Variants in ATP23 observed in about 807,000 individuals in gnomAD.
ATP23 encodes the protein mitochondrial inner membrane protease ATP23 homolog.
ATP23 carries 24 observed loss-of-function variants against 28.5 expected under a neutral mutation model. That is an observed-to-expected ratio of 0.84 (90% confidence interval 0.61 to 1.18). The LOEUF (loss-of-function observed/expected upper bound fraction) is 1.18. Among genes scored for constraint, ATP23 ranks in the 50% most tolerant of loss-of-function variants. ATP23 has a pLI of 0.00. For synonymous variants in ATP23, 99 were observed against 108.6 expected (o/e 0.91, Z 0.55); for missense variants, 274 against 306.4 (o/e 0.89, Z 0.79).
chr12:57,955,278 A>ATTT (rs1442929120), intron 5 of ATP23, among the ~76,000 whole-genome samples: 179 of 114,402 alleles, frequency 1.6e-3, no homozygotes, highest in African/African-American at 7.0e-3. Flanking sequence ...GAAATAGAGC[A>ATTT]TGTTTTTTTT....
At position 57,956,997 on chromosome 12, in the gene ATP23, A is replaced by T. The variant is rs1956875449; in HGVS notation, c.*107A>T. 1.1e-6 allele frequency: 1 copy of T among 903,570 alleles called. No homozygotes were observed. The highest frequency in any genetic ancestry group is 1.7e-5 in the African/African-American group (1 of 57,668). 56.0% of individuals were successfully genotyped at this position (903,570 alleles called of 1,614,324 possible). A position where few individuals can be genotyped will look rare whatever the true frequency, so the allele number is the denominator to read the frequency against. On this transcript the variant is annotated 3_prime_UTR_variant, in exon 6 of 6. Transcript: ENST00000300145. ...AATGTAAACAATCCCTACAATCCAG[A>T]TAAAACAGAGAAGACTGTGATTCTA...
At chr12:57,950,845 T>C (rs1328893689) in intron 3 of ATP23, among the ~76,000 whole-genome samples, 1 of 152,230 alleles carries the variant, frequency 6.6e-6, no homozygotes, top group East Asian at 1.9e-4. Flanking sequence ...TATATGCTCA[T>C]GACAACCTGG....
rs71087605 is a variant in ATP23 at position 57,955,280 on chromosome 12, G to GTTTTTT, written c.538-1398_538-1393dup. ...TTGATATACTAAAGAAATAGAGCAT[G>GTTTTTT]TTTTTTTTTTTTTTAATTCACCTTC... On this transcript the variant is annotated intron_variant, in intron 5 of 5. Coordinates refer to ENST00000300145, the MANE Select transcript of ATP23 (RefSeq NM_033276.4). 3.5e-3 allele frequency among the ~76,000 whole-genome samples: 501 copies of GTTTTTT among 142,140 alleles called. 2 individuals carry two copies. Among genetic ancestry groups the GTTTTTT allele is most frequent in the African/African-American group, 7.4e-3 (281 of 38,040 alleles). The allele number at this position is 142,140 out of a possible 152,430, so 93.2% of individuals were successfully genotyped here.
chr12:57,942,024 C>T, intron 1 of ATP23, 136 bp downstream of exon 1: 1 of 1,097,120 alleles, frequency 9.1e-7, no homozygotes, highest in Non-Finnish European at 1.2e-6. Flanking sequence ...ATCATGGGGG[C>T]TGGGTTGGGA....
In ATP23 at chr12:57,941,878, G is replaced by T; in HGVS notation, c.177G>T (p.Thr59=). 6.2e-7 allele frequency: 1 copy of T among 1,613,266 alleles called. No individual in the cohort carries two copies. Among genetic ancestry groups the T allele is most frequent in the Non-Finnish European group, 8.5e-7 (1 of 1,179,690 alleles). ...AGTGCCAGCTTAGGCTCCTGAAGAC[G>T]CTGGAGACAAGTAGGAGCCATGACC... ...NQKCQLRLLK[T]LETNPYVKLL... Residue 59 remains threonine, a synonymous_variant, in exon 1 of 6, where the codon ACG becomes ACT. Transcript: ENST00000300145.
intron 5 of ATP23, among the ~76,000 whole-genome samples, chr12:57,954,342 C>T (rs1355583178): frequency 6.6e-6 from 1 of 152,036 alleles, no homozygotes; most frequent in Non-Finnish European, 1.5e-5. Context: ...CCATAGCATT[C>T]TGGAGACAAA....
Position 57,941,886 on chromosome 12 carries a change from C to T in ATP23, c.185C>T (p.Thr62Ile). 2.5e-6 allele frequency: 4 copies of T among 1,613,066 alleles called. No homozygotes were observed. Among genetic ancestry groups the T allele is most frequent in the Non-Finnish European group, 3.4e-6 (4 of 1,179,634 alleles). ...CTTAGGCTCCTGAAGACGCTGGAGA[C>T]AAGTAGGAGCCATGACCTGGAGGCT... ...CQLRLLKTLE[T>I]NPYVKLLLDA... The change falls in exon 1 of 6, where the codon ACA becomes ATA. Residue 62 changes from threonine (T) to isoleucine (I), a missense_variant and splice_region_variant. Transcript: ENST00000300145.
chr12:57,957,046 A>G lies in ATP23; in HGVS notation c.*156A>G, dbSNP rs1431392856. On this transcript the variant is annotated 3_prime_UTR_variant, in exon 6 of 6. Coordinates refer to ENST00000300145, the MANE Select transcript of ATP23 (RefSeq NM_033276.4). ...TAGCATATTATCAGAAAAAGTAACTATGGCAAAAAATGAAACTGCTTTAAA... is the reference window on the plus strand; with the variant it reads ...TAGCATATTATCAGAAAAAGTAACTGTGGCAAAAAATGAAACTGCTTTAAA... The G allele has an allele frequency of 6.9e-5, 37 of 537,702 alleles. No individual in the cohort carries two copies. The highest frequency in any genetic ancestry group is 9.4e-5 in the Non-Finnish European group (32 of 342,050). The allele number at this position is 537,702 out of a possible 1,614,324, so 33.3% of individuals were successfully genotyped here. A position where few individuals can be genotyped will look rare whatever the true frequency, so the allele number is the denominator to read the frequency against.
At chr12:57,946,866 C>T in intron 2 of ATP23, 129 bp from the exon 3 acceptor site, 2 of 685,424 alleles carry the variant, frequency 2.9e-6, no homozygotes, top group Non-Finnish European at 5.0e-6. Flanking sequence ...TGTTTCTTTC[C>T]CAAGATTTCC....
intron 5 of ATP23, 69 bp from the exon 6 acceptor site, chr12:57,956,618 A>AT (rs1181658574): frequency 1.7e-6 from 2 of 1,162,306 alleles, no homozygotes; most frequent in African/African-American, 3.2e-5. Flanking sequence ...CAGACATTAG[A>AT]TAAAATGTAT....
chr12:57,947,319 G>A lies in ATP23; in HGVS notation c.315+243G>A, dbSNP rs1956772047. On this transcript the variant is annotated intron_variant, in intron 3 of 5. Coordinates refer to ENST00000300145, the MANE Select transcript of ATP23 (RefSeq NM_033276.4). ...GAGGCAAGCTAAACCATTTTAGGTGGGCTTGGTTACCACAATGGAACAGTG... is the reference window on the plus strand; with the variant it reads ...GAGGCAAGCTAAACCATTTTAGGTGAGCTTGGTTACCACAATGGAACAGTG... 6.6e-6 allele frequency among the ~76,000 whole-genome samples: 1 copy of A among 152,138 alleles called. No homozygotes were observed. Among genetic ancestry groups the A allele is most frequent in the Non-Finnish European group, 1.5e-5 (1 of 68,040 alleles).
chr12:57,956,613 A>G (rs1231713845), intron 5 of ATP23, 74 bp from the exon 6 acceptor site: 13 of 1,099,550 alleles, frequency 1.2e-5, no homozygotes, highest in South Asian at 5.3e-5. Flanking sequence ...TAATTCAGAC[A>G]TTAGATAAAA....
intron 3 of ATP23, among the ~76,000 whole-genome samples, chr12:57,950,106 G>A (rs1401629289): frequency 6.6e-6 from 1 of 152,124 alleles, no homozygotes; most frequent in African/African-American, 2.4e-5. Flanking sequence ...TAATTTCTCT[G>A]CATCCAGTTT....
chr12:57,956,569 A>G (rs1956868833), intron 5 of ATP23, 118 bp from the exon 6 acceptor site: 3 of 836,336 alleles, frequency 3.6e-6, no homozygotes, highest in Non-Finnish European at 5.3e-6. Flanking sequence ...AATGACAGAA[A>G]TTAGTAAAAT....
Sources: gnomAD v4.1 joint callset for allele counts (sites outside exome capture counted in the v4.1 genomes callset) on GRCh38, gnomAD v4.1.1 for gene constraint, MANE v1.5 for transcripts, NCBI Gene and HGNC (gene_info 2026-07-23, HGNC 2026-07-21) for gene names.